The following FOXP2 variants were observed in gnomAD, a reference collection of about 807,000 sequenced individuals.
FOXP2 encodes forkhead box P2.
A neutral mutation model predicts 115.8 loss-of-function variants in FOXP2; 12 were observed. The observed-to-expected ratio is 0.10, with a 90% CI of 0.07 to 0.17. The LOEUF is 0.17. FOXP2 is among the 10% of genes least tolerant of loss of function. FOXP2 has a pLI of 1.00. For missense variants in FOXP2, 629 were observed against 843.5 expected, an observed-to-expected ratio of 0.75 and a Z score of 3.15; for synonymous variants, 328 against 297.7, an observed-to-expected ratio of 1.10 and a Z score of -1.05.
At chr7:114,098,815 A>G (rs149747630) in intron 1 of FOXP2, among the ~76,000 whole-genome samples, 16 of 152,310 alleles carry the variant, frequency 1.1e-4, no homozygotes, top group African/African-American at 3.4e-4. Context: ...ATCTCTGGTA[A>G]AAGGTTAATA....
chr7:114,169,681 T>C (rs1309600333), intron 1 of FOXP2, among the ~76,000 whole-genome samples: 1 of 152,040 alleles, frequency 6.6e-6, no homozygotes, highest in African/African-American at 2.4e-5. Flanking sequence ...TGTGAGGACA[T>C]GAGATTTGGG....
intron 3 of FOXP2, among the ~76,000 whole-genome samples, chr7:114,546,035 A>G (rs1161434027): frequency 6.6e-6 from 1 of 152,046 alleles, no homozygotes; most frequent in African/African-American, 2.4e-5. Context: ...TCACATTTCC[A>G]CTATCTGGCC....
chr7:114,151,557 TTG>T (rs199750327), intron 1 of FOXP2, among the ~76,000 whole-genome samples: 1 of 151,910 alleles, frequency 6.6e-6, no homozygotes, highest in East Asian at 1.9e-4. Context: ...GAGAGAGAAT[TTG>T]TGTGTGTGTG....
chr7:114,582,142 A>G (rs1439933490), intron 3 of FOXP2, among the ~76,000 whole-genome samples: 1 of 152,192 alleles, frequency 6.6e-6, no homozygotes, highest in African/African-American at 2.4e-5. Flanking sequence ...TATTGAAACA[A>G]GGTCTGAAAC....
At position 114,095,145 on chromosome 7, in the gene FOXP2, A is replaced by G. The variant is rs7803319; in HGVS notation, c.-247+7307A>G. ...CATGGTTTACTATAAAGAGTAATCCATGTTGAGTGCTGGGAGACTTGCATT... is the reference window on the plus strand; with the variant it reads ...CATGGTTTACTATAAAGAGTAATCCGTGTTGAGTGCTGGGAGACTTGCATT... On this transcript the variant is annotated intron_variant, in intron 1 of 19. Coordinates refer to the FOXP2 transcript ENST00000635638. Among the ~76,000 whole-genome samples the G allele has an allele frequency of 6.1e-3, 930 of 152,346 alleles. 3 individuals are homozygous for G. Among genetic ancestry groups the G allele is most frequent in the African/African-American group, 0.021 (887 of 41,582 alleles).
intron 1 of FOXP2, among the ~76,000 whole-genome samples, chr7:114,271,929 A>C (rs1034635448): frequency 7.1e-4 from 90 of 127,596 alleles, no homozygotes; most frequent in African/African-American, 2.7e-3. Context: ...TATAATTATT[A>C]TAATATTAAT....
chr7:114,394,506 C>A (rs1008134368), intron 2 of FOXP2, among the ~76,000 whole-genome samples: 26 of 151,646 alleles, frequency 1.7e-4, no homozygotes, highest in African/African-American at 5.1e-4. Flanking sequence ...TAACTCCCAA[C>A]AAAATGTTTA....
chr7:114,496,691 A>T (rs1464947852), intron 2 of FOXP2, among the ~76,000 whole-genome samples: 1 of 152,206 alleles, frequency 6.6e-6, no homozygotes, highest in Non-Finnish European at 1.5e-5. Flanking sequence ...GCAAATGTAT[A>T]GAAGGTTCAT....
intron 16 of FOXP2, among the ~76,000 whole-genome samples, chr7:114,680,588 A>G (rs1808033568): frequency 6.6e-6 from 1 of 152,128 alleles, no homozygotes; most frequent in African/African-American, 2.4e-5. Flanking sequence ...AATCACTGGA[A>G]AGACTATACC....
At position 114,622,564 on chromosome 7, in the gene FOXP2, C is replaced by A. The variant is rs1456023; in HGVS notation, c.259-5976C>A. ...TAGTGTCTTTTGCTGCCTTTTCTGA[C>A]TCTTTGTTTTGGAGAGCAGTGAAAT... On this transcript the variant is annotated intron_variant, in intron 3 of 16. Transcript: ENST00000350908. Among the ~76,000 whole-genome samples the A allele has an allele frequency of 2.3e-3, 351 of 151,870 alleles. 1 individual carries two copies. The highest frequency in any genetic ancestry group is 7.7e-3 in the African/African-American group (318 of 41,518).
intron 1 of FOXP2, among the ~76,000 whole-genome samples, chr7:114,108,518 A>T (rs1791181686): frequency 6.6e-6 from 1 of 151,930 alleles, no homozygotes; most frequent in Admixed American, 6.6e-5. Context: ...TAAAACTGCC[A>T]TTAGACCTAA....
intron 3 of FOXP2, among the ~76,000 whole-genome samples, chr7:114,551,282 C>G (rs979701301): frequency 6.6e-6 from 1 of 152,098 alleles, no homozygotes; most frequent in African/African-American, 2.4e-5. Context: ...CACCAGGTAC[C>G]ATAGGGGATT....
Position 114,334,931 on chromosome 7 carries a change from C to A in FOXP2, c.-11+46822C>A, listed in dbSNP as rs985555658. ...ATATATATTTTATATATATAGAAATCTATATATATATATATATATATATAT... is the reference window on the plus strand; with the variant it reads ...ATATATATTTTATATATATAGAAATATATATATATATATATATATATATAT... On this transcript the variant is annotated intron_variant, in intron 2 of 17. Transcript: ENST00000634411. 5.8e-3 allele frequency among the ~76,000 whole-genome samples: 691 copies of A among 119,190 alleles called. 3 individuals are homozygous for A. Among genetic ancestry groups the A allele is most frequent in the African/African-American group, 0.011 (376 of 33,152 alleles). 78.2% of individuals were successfully genotyped at this position (119,190 alleles called of 152,430 possible).
intron 1 of FOXP2, among the ~76,000 whole-genome samples, chr7:114,201,041 A>G (rs571368584): frequency 6.6e-6 from 1 of 152,288 alleles, no homozygotes; most frequent in South Asian, 2.1e-4. Context: ...CTGTAATCCC[A>G]GCTATTCAGG....
chr7:114,509,021 A>G (rs1797950620), intron 2 of FOXP2, among the ~76,000 whole-genome samples: 1 of 152,090 alleles, frequency 6.6e-6, no homozygotes, highest in African/African-American at 2.4e-5. Flanking sequence ...TGTGTATTTG[A>G]GAGATTCTAG....
intron 14 of FOXP2, 149 bp downstream of exon 14, chr7:114,662,335 G>C (rs1296742904): frequency 1.4e-5 from 15 of 1,100,736 alleles, no homozygotes; most frequent in Non-Finnish European, 1.9e-5. Context: ...CTAGGTGTAG[G>C]TGGCATAAAT....
chr7:114,676,266 C>T (rs1405426445), intron 16 of FOXP2, among the ~76,000 whole-genome samples: 3 of 151,650 alleles, frequency 2.0e-5, no homozygotes, highest in South Asian at 2.1e-4. Flanking sequence ...ATGTATTCCA[C>T]GTAAGTTAAA....
chr7:114,278,281 T>TA (rs1231130639), intron 1 of FOXP2, among the ~76,000 whole-genome samples: 5 of 152,110 alleles, frequency 3.3e-5, no homozygotes, highest in Non-Finnish European at 7.4e-5. Context: ...TCTATTGAGT[T>TA]AGAGATGAGA....
intron 2 of FOXP2, among the ~76,000 whole-genome samples, chr7:114,512,608 C>G (rs1392321580): frequency 1.3e-5 from 2 of 152,040 alleles, no homozygotes; most frequent in Non-Finnish European, 2.9e-5. Context: ...GTAGGGAGGA[C>G]AGAGTGAATA....
Sources: gnomAD v4.1 joint callset for allele counts (sites outside exome capture counted in the v4.1 genomes callset) on GRCh38, gnomAD v4.1.1 for gene constraint, MANE v1.5 for transcripts, NCBI Gene and HGNC (gene_info 2026-07-23, HGNC 2026-07-21) for gene names.